The following IQCM variants were observed in gnomAD, a reference collection of about 807,000 sequenced individuals.
The protein encoded by IQCM is IQ motif containing M, also known as IQ domain-containing protein M.
Under a neutral mutation model 57.6 loss-of-function variants are expected in IQCM, and 45 were observed. The ratio of observed to expected loss-of-function variants is 0.78; its 90% CI spans 0.62 to 1.00. IQCM has a LOEUF of 1.00. Among genes scored for constraint, IQCM ranks in the 50% least tolerant of loss-of-function variants. The pLI is 0.00. For missense variants in IQCM, 468 were observed against 511.6 expected, an observed-to-expected ratio of 0.91 and a Z score of 0.82; for synonymous variants, 148 against 158.9, an observed-to-expected ratio of 0.93 and a Z score of 0.51.
At chr4:149,431,204 C>T (rs1734827738) in intron 13 of IQCM, among the ~76,000 whole-genome samples, 1 of 151,748 alleles carries the variant, frequency 6.6e-6, no homozygotes, top group African/African-American at 2.4e-5. Context: ...GATTCTCTTT[C>T]AAAAAGAAGA....
chr4:149,766,778 A>T (rs1013882209), intron 2 of IQCM, among the ~76,000 whole-genome samples: 6 of 152,120 alleles, frequency 3.9e-5, no homozygotes, highest in Non-Finnish European at 1.5e-5. Context: ...TTAGTATAGA[A>T]AAGAGGGTTG....
At chr4:149,678,078 G>A (rs979665389) in intron 7 of IQCM, among the ~76,000 whole-genome samples, 1 of 151,908 alleles carries the variant, frequency 6.6e-6, no homozygotes, top group African/African-American at 2.4e-5. Flanking sequence ...TGGTGCTTAA[G>A]AGGGAGGTCA....
chr4:149,378,952 T>C (rs1730885250), intron 13 of IQCM, among the ~76,000 whole-genome samples: 1 of 152,154 alleles, frequency 6.6e-6, no homozygotes, highest in Non-Finnish European at 1.5e-5. Flanking sequence ...TCTAGGGACT[T>C]GGTGCCCTGC....
At chr4:149,742,319 C>T (rs1767531838) in intron 3 of IQCM, among the ~76,000 whole-genome samples, 1 of 152,036 alleles carries the variant, frequency 6.6e-6, no homozygotes, top group Admixed American at 6.6e-5. Flanking sequence ...TTGTTCCAAA[C>T]ATGCTTAAAG....
intron 12 of IQCM, among the ~76,000 whole-genome samples, chr4:149,452,915 A>T (rs1383663223): frequency 6.6e-6 from 1 of 151,554 alleles, no homozygotes; most frequent in Non-Finnish European, 1.5e-5. Flanking sequence ...AGCTTTAAAC[A>T]AATAGGATAT....
At chr4:149,727,788 T>G (rs1248558892) in intron 5 of IQCM, among the ~76,000 whole-genome samples, 1 of 152,158 alleles carries the variant, frequency 6.6e-6, no homozygotes, top group East Asian at 1.9e-4. Context: ...TAGCAGTGGC[T>G]GCAGTGCCTG....
chr4:149,467,058 G>A (rs1358026590), intron 12 of IQCM, among the ~76,000 whole-genome samples: 1 of 152,106 alleles, frequency 6.6e-6, no homozygotes, highest in African/African-American at 2.4e-5. Flanking sequence ...TTTTGGGGGG[G>A]CACATATTTT....
intron 12 of IQCM, among the ~76,000 whole-genome samples, chr4:149,502,151 T>TATATAC (rs150638237): frequency 1.4e-4 from 21 of 149,550 alleles, no homozygotes; most frequent in Non-Finnish European, 1.6e-4. Flanking sequence ...TATATATATA[T>TATATAC]ACACACACAC....
intron 2 of IQCM, among the ~76,000 whole-genome samples, chr4:149,790,582 C>A (rs1051737057): frequency 6.6e-6 from 1 of 152,012 alleles, no homozygotes; most frequent in Admixed American, 6.6e-5. Flanking sequence ...TGTTTTAAAA[C>A]GATTAAAGCT....
intron 9 of IQCM, among the ~76,000 whole-genome samples, chr4:149,568,367 A>G (rs1285056245): frequency 6.6e-6 from 1 of 152,110 alleles, no homozygotes; most frequent in Non-Finnish European, 1.5e-5. Flanking sequence ...ACCTTGTTAC[A>G]ATGGTCCATA....
chr4:149,351,806 A>C lies in IQCM; in HGVS notation c.*145T>G, dbSNP rs992079747. The stretch of plus-strand genomic sequence containing the variant: ...TGTTCATCCAAAAATACTAGAAATT[A>C]TAGATAAACTTGTCAAAGTTCTTTC... On this transcript the variant is annotated 3_prime_UTR_variant, in exon 14 of 14. Coordinates refer to ENST00000636793, the MANE Select transcript of IQCM (RefSeq NM_001363507.2). 4 of 381,606 alleles carry C rather than the reference A, an allele frequency of 1.0e-5. No homozygotes were observed. The highest frequency in any genetic ancestry group is 1.8e-5 in the Non-Finnish European group (4 of 217,938). The allele number at this position is 381,606 out of a possible 1,614,324, so 23.6% of individuals were successfully genotyped here.
chr4:149,664,756 C>T (rs553811545), intron 7 of IQCM, among the ~76,000 whole-genome samples: 1 of 152,204 alleles, frequency 6.6e-6, no homozygotes, highest in East Asian at 1.9e-4. Flanking sequence ...TCTGGAAAGG[C>T]AACAGGTGGG....
In IQCM at chr4:149,726,071, A is replaced by AAAAGAAAGAAAGAAAGAAAG. The variant is rs529190046; in HGVS notation, c.385+7153_385+7172dup. 3.9e-4 allele frequency among the ~76,000 whole-genome samples: 37 copies of AAAAGAAAGAAAGAAAGAAAG among 94,786 alleles called. 1 individual carries two copies. Among genetic ancestry groups the AAAAGAAAGAAAGAAAGAAAG allele is most frequent in the East Asian group, 1.3e-3 (4 of 3,066 alleles). The allele number at this position is 94,786 out of a possible 152,430, so 62.2% of individuals were successfully genotyped here. A position where few individuals can be genotyped will look rare whatever the true frequency, so the allele number is the denominator to read the frequency against. On this transcript the variant is annotated intron_variant, in intron 5 of 13. Transcript: ENST00000636793. ...CTTCCCAACCATTTCTCTTCCCTCT[A>AAAAGAAAGAAAGAAAGAAAG]AAAGAAAGAAAGAAAGAAAGAAAGA...
chr4:149,664,869 C>T (rs1760565841), intron 7 of IQCM, among the ~76,000 whole-genome samples: 1 of 152,134 alleles, frequency 6.6e-6, no homozygotes, highest in Admixed American at 6.6e-5. Context: ...GCATACACAG[C>T]CTCAGTGGGC....
intron 2 of IQCM, among the ~76,000 whole-genome samples, chr4:149,814,481 G>C (rs1456061395): frequency 6.6e-6 from 1 of 151,872 alleles, no homozygotes; most frequent in African/African-American, 2.4e-5. Context: ...TAAGTATACA[G>C]GGTAATTACT....
chr4:149,760,027 G>GAAA (rs2149959919), intron 2 of IQCM, among the ~76,000 whole-genome samples: 1 of 150,686 alleles, frequency 6.6e-6, no homozygotes, highest in African/African-American at 2.4e-5. Flanking sequence ...AGGAAGGAAG[G>GAAA]GAAGGGAAGG....
At chr4:149,660,135 G>C (rs1459425700) in intron 7 of IQCM, among the ~76,000 whole-genome samples, 11 of 150,494 alleles carry the variant, frequency 7.3e-5, no homozygotes, top group Admixed American at 7.3e-4. Flanking sequence ...AAATTTACAA[G>C]AAAAAAACAA....
intron 12 of IQCM, among the ~76,000 whole-genome samples, chr4:149,474,252 A>G (rs1739928459): frequency 6.6e-6 from 1 of 152,122 alleles, no homozygotes; most frequent in Admixed American, 6.6e-5. Context: ...AGAGAGGACT[A>G]TAAAATAAAG....
chr4:149,593,638 C>T (rs1753447302), intron 8 of IQCM, among the ~76,000 whole-genome samples: 1 of 152,010 alleles, frequency 6.6e-6, no homozygotes, highest in African/African-American at 2.4e-5. Context: ...CCCATCAATA[C>T]CTAGTTTATT....
Sources: allele counts gnomAD v4.1 joint callset (sites outside exome capture counted in the v4.1 genomes callset), GRCh38; gene constraint gnomAD v4.1.1; transcripts MANE v1.5; gene names NCBI Gene and HGNC (gene_info 2026-07-23, HGNC 2026-07-21).